The following CNTNAP5 variants were observed in gnomAD, a reference collection of about 807,000 sequenced individuals.
CNTNAP5 encodes contactin associated protein family member 5, also known as contactin-associated protein-like 5.
In CNTNAP5, 72 loss-of-function variants were observed where a neutral mutation model predicts 150.2. The ratio of observed to expected loss-of-function variants is 0.48; its 90% CI spans 0.40 to 0.58. The LOEUF (loss-of-function observed/expected upper bound fraction) is 0.58. CNTNAP5 is among the 20% of genes least tolerant of loss of function. The pLI is 0.00. For missense variants in CNTNAP5, 1,636 were observed against 1,626.2 expected (o/e 1.01, Z -0.10); for synonymous variants, 672 against 619.8 (o/e 1.08, Z -1.25).
chr2:124,808,239 T>C (rs1682122577), intron 19 of CNTNAP5, among the ~76,000 whole-genome samples: 2 of 152,148 alleles, frequency 1.3e-5, no homozygotes, highest in African/African-American at 4.8e-5. Context: ...ATGTGATAAA[T>C]GTATGTTCTC....
chr2:124,042,302 C>G (rs1284332811), intron 1 of CNTNAP5, among the ~76,000 whole-genome samples: 3 of 152,144 alleles, frequency 2.0e-5, no homozygotes. Context: ...TTATTTCACA[C>G]CTTTTCCCAA....
chr2:124,726,821 TA>T (rs1391894247), intron 13 of CNTNAP5, among the ~76,000 whole-genome samples: 1 of 152,076 alleles, frequency 6.6e-6, no homozygotes, highest in Non-Finnish European at 1.5e-5. Context: ...TTTTTTAATT[TA>T]AGCATATTTT....
At chr2:124,122,995 G>A (rs976891768) in intron 1 of CNTNAP5, among the ~76,000 whole-genome samples, 40 of 152,190 alleles carry the variant, frequency 2.6e-4, no homozygotes, top group African/African-American at 8.9e-4. Context: ...AGCTCCCAGC[G>A]TGAGTGATGC....
intron 1 of CNTNAP5, among the ~76,000 whole-genome samples, chr2:124,162,475 T>G (rs1322248725): frequency 6.6e-6 from 1 of 152,322 alleles, no homozygotes; most frequent in South Asian, 2.1e-4. Flanking sequence ...CAAAGTCCAA[T>G]GTAGCTGGCT....
intron 19 of CNTNAP5, among the ~76,000 whole-genome samples, chr2:124,860,214 G>A (rs1033759267): frequency 1.3e-5 from 2 of 151,970 alleles, no homozygotes; most frequent in African/African-American, 2.4e-5. Context: ...GCCGTGCATG[G>A]TGGTGGGCGC....
chr2:124,043,879 A>G (rs1463519415), intron 1 of CNTNAP5, among the ~76,000 whole-genome samples: 1 of 152,174 alleles, frequency 6.6e-6, no homozygotes, highest in African/African-American at 2.4e-5. Flanking sequence ...TTCAGGGATA[A>G]CTGGTACAAT....
chr2:124,230,253 G>T (rs570488661), intron 2 of CNTNAP5, among the ~76,000 whole-genome samples: 1 of 152,144 alleles, frequency 6.6e-6, no homozygotes, highest in Admixed American at 6.5e-5. Context: ...ATGTCATCAG[G>T]CCATCCATGA....
intron 13 of CNTNAP5, among the ~76,000 whole-genome samples, chr2:124,737,400 C>G (rs543008817): frequency 6.6e-6 from 1 of 152,070 alleles, no homozygotes; most frequent in Non-Finnish European, 1.5e-5. Context: ...AGACATCAGC[C>G]TCTATGAAGA....
At chr2:124,431,250 G>A (rs1316592187) in intron 4 of CNTNAP5, among the ~76,000 whole-genome samples, 1 of 152,080 alleles carries the variant, frequency 6.6e-6, no homozygotes, top group African/African-American at 2.4e-5. Context: ...AGACATTGGA[G>A]GGAATGGAAT....
chr2:124,602,490 T>C (rs977862464), intron 11 of CNTNAP5, among the ~76,000 whole-genome samples: 1 of 152,042 alleles, frequency 6.6e-6, no homozygotes, highest in Non-Finnish European at 1.5e-5. Context: ...TATTTATTTG[T>C]TTGTTTGTGT....
At chr2:124,634,010 G>A (rs1245061036) in intron 12 of CNTNAP5, among the ~76,000 whole-genome samples, 2 of 152,178 alleles carry the variant, frequency 1.3e-5, no homozygotes, top group African/African-American at 4.8e-5. Flanking sequence ...TGTCCTCCCA[G>A]GCCTCCAGGC....
chr2:124,621,375 C>T (rs1357212534), intron 12 of CNTNAP5, among the ~76,000 whole-genome samples: 1 of 152,128 alleles, frequency 6.6e-6, no homozygotes, highest in African/African-American at 2.4e-5. Context: ...ATCTCTAAAG[C>T]GAAACTTATT....
chr2:124,803,970 A>T (rs1682028531), intron 19 of CNTNAP5, among the ~76,000 whole-genome samples: 1 of 152,198 alleles, frequency 6.6e-6, no homozygotes, highest in Non-Finnish European at 1.5e-5. Context: ...GAAGGGGAAA[A>T]GCAAGCCTTG....
chr2:124,527,257 T>C (rs775900892), intron 9 of CNTNAP5, 28 bp from the exon 10 acceptor site: 2 of 1,600,548 alleles, frequency 1.2e-6, no homozygotes, highest in South Asian at 2.2e-5. Flanking sequence ...TTCAGCATTC[T>C]TCTTCATCTT....
intron 17 of CNTNAP5, among the ~76,000 whole-genome samples, chr2:124,786,523 G>GAA (rs1553442195): frequency 1.1e-4 from 15 of 137,792 alleles, no homozygotes; most frequent in African/African-American, 4.6e-4. Flanking sequence ...AAGAAAGAAA[G>GAA]AGAAAGAAAG....
chr2:124,128,035 G>A lies in CNTNAP5; in HGVS notation c.83-93670G>A, dbSNP rs201302311. Among the ~76,000 whole-genome samples, 4 of 152,242 alleles carry A rather than the reference G, an allele frequency of 2.6e-5. No individual in the cohort carries two copies. The East Asian group carries it at 5.8e-4, about 22-fold the overall frequency. ...CATGACTAAAACACCAAAAGCAATG[G>A]CAGCAAAAGCCAAAATTGACAAATG... On this transcript the variant is annotated intron_variant, in intron 1 of 23. Coordinates refer to ENST00000682447, the MANE Select transcript of CNTNAP5 (RefSeq NM_001367498.1).
intron 1 of CNTNAP5, among the ~76,000 whole-genome samples, chr2:124,194,453 G>T (rs1161054931): frequency 6.9e-6 from 1 of 143,892 alleles, no homozygotes; most frequent in African/African-American, 2.6e-5. Context: ...ATGCAATGAG[G>T]CCTGTTTTCT....
chr2:124,316,820 AAAAAAAAAGAAAAAG>A (rs1171737263), intron 3 of CNTNAP5, among the ~76,000 whole-genome samples: 209 of 150,434 alleles, frequency 1.4e-3, no homozygotes, highest in Non-Finnish European at 2.5e-3. Flanking sequence ...AAAAAAAAAA[AAAAAAAAAGAAAAAG>A]AAAAAAAAGA....
chr2:124,280,719 T>G (rs1687992138), intron 3 of CNTNAP5, among the ~76,000 whole-genome samples: 1 of 152,028 alleles, frequency 6.6e-6, no homozygotes, highest in Admixed American at 6.6e-5. Context: ...TGTCTTCAAA[T>G]CAAGACACTT....
Sources: allele counts gnomAD v4.1 joint callset (sites outside exome capture counted in the v4.1 genomes callset), GRCh38; gene constraint gnomAD v4.1.1; transcripts MANE v1.5; gene names NCBI Gene and HGNC (gene_info 2026-07-23, HGNC 2026-07-21).